Variants in PTPRN2 observed in about 807,000 individuals in gnomAD.
PTPRN2 encodes protein tyrosine phosphatase receptor type N2.
Under a neutral mutation model 118.8 loss-of-function variants are expected in PTPRN2, and 74 were observed. The observed-to-expected ratio is 0.62, with a 90% confidence interval of 0.52 to 0.76. PTPRN2 has a LOEUF of 0.76. Among genes scored for constraint, PTPRN2 ranks in the 30% least tolerant of loss-of-function variants. The probability of loss-of-function intolerance (pLI) is 0.00; values close to 1 mark genes in which losing one functional copy is unlikely to be tolerated. For synonymous variants in PTPRN2, 641 were observed against 608.0 expected (o/e 1.05, Z -0.80); for missense variants, 1,481 against 1,394.4 (o/e 1.06, Z -0.99).
intron 2 of PTPRN2, among the ~76,000 whole-genome samples, chr7:158,403,705 C>T (rs1249639415): frequency 1.3e-5 from 2 of 152,300 alleles, no homozygotes; most frequent in East Asian, 3.9e-4. Flanking sequence ...GAGGATCGCA[C>T]ACCAAGACCC....
chr7:158,212,860 G>C (rs1585865909), intron 3 of PTPRN2, among the ~76,000 whole-genome samples: 2 of 152,168 alleles, frequency 1.3e-5, no homozygotes, highest in East Asian at 3.8e-4. Context: ...TTAATGTACT[G>C]TATCCGGGAG....
In PTPRN2 at chr7:157,953,631, G is replaced by A. The variant is rs1474450347; in HGVS notation, c.1724-54894C>T. Among the ~76,000 whole-genome samples, 1 of 152,054 alleles carries A rather than the reference G, an allele frequency of 6.6e-6. No individual in the cohort carries two copies. Among genetic ancestry groups the A allele is most frequent in the Non-Finnish European group, 1.5e-5 (1 of 68,006 alleles). The stretch of plus-strand genomic sequence containing the variant: ...ACACTGCCCTGCTTGGACACTCTCT[G>A]GACAGGAGACACCTCACCCCTCACA... On this transcript the variant is annotated intron_variant, in intron 11 of 22. Transcript: ENST00000389418. The surrounding 1 kb of genome is among the most constrained non-coding windows in gnomAD (Gnocchi z 4.6).
chr7:158,420,311 C>T (rs1463321962), intron 2 of PTPRN2, among the ~76,000 whole-genome samples: 2 of 152,184 alleles, frequency 1.3e-5, no homozygotes, highest in Non-Finnish European at 2.9e-5. Context: ...GGCACAGCTT[C>T]AGCCCTCTGA....
intron 2 of PTPRN2, among the ~76,000 whole-genome samples, chr7:158,340,638 C>G: frequency 9.4e-6 from 1 of 106,424 alleles, no homozygotes; most frequent in South Asian, 3.5e-4. Flanking sequence ...ACACTCTAGC[C>G]ATAAGAGCTG....
Position 158,212,859 on chromosome 7 carries a change from T to C in PTPRN2, c.278-7586A>G, listed in dbSNP as rs867800822. Among the ~76,000 whole-genome samples, 11 of 152,316 alleles carry C rather than the reference T, an allele frequency of 7.2e-5. No individual in the cohort carries two copies. The Middle Eastern group carries it at 0.014, about 188-fold the overall frequency. Reference sequence around the variant, plus strand: ...GCAATTATCATGGGGCTTAATGTACTGTATCCGGGAGCCAATTACATTATA... The same window carrying C: ...GCAATTATCATGGGGCTTAATGTACCGTATCCGGGAGCCAATTACATTATA... On this transcript the variant is annotated intron_variant, in intron 3 of 22. Coordinates refer to ENST00000389418, the MANE Select transcript of PTPRN2 (RefSeq NM_002847.5).
intron 2 of PTPRN2, among the ~76,000 whole-genome samples, chr7:158,338,015 T>C (rs1359523762): frequency 5.9e-5 from 2 of 33,910 alleles, no homozygotes; most frequent in Admixed American, 3.9e-4. Context: ...TGGTGACACC[T>C]GCAGACGTCA....
Position 158,273,567 on chromosome 7 carries a change from GGC to G in PTPRN2, c.277+43250_277+43251del, listed in dbSNP as rs1159196859. 1.9e-3 allele frequency among the ~76,000 whole-genome samples: 197 copies of G among 101,440 alleles called. 49 individuals carry two copies. The highest frequency in any genetic ancestry group is 5.1e-3 in the Middle Eastern group (1 of 196). 66.5% of individuals were successfully genotyped at this position (101,440 alleles called of 152,430 possible). A position where few individuals can be genotyped will look rare whatever the true frequency, so the allele number is the denominator to read the frequency against. On this transcript the variant is annotated intron_variant, in intron 3 of 22. Transcript: ENST00000389418. ...AGCCGCAGACACAGGGGGAGCCGCAGGCACAGGGGGAGCCGCAGACAGACATG... is the reference window on the plus strand; with the variant it reads ...AGCCGCAGACACAGGGGGAGCCGCAGACAGGGGGAGCCGCAGACAGACATG...
Position 157,615,910 on chromosome 7 carries a change from G to C in PTPRN2, c.2344+5452C>G, listed in dbSNP as rs1434600557. The C allele has an allele frequency of 3.2e-6, 1 of 315,052 alleles. No individual in the cohort carries two copies. Among genetic ancestry groups the C allele is most frequent in the Non-Finnish European group, 6.2e-6 (1 of 160,578 alleles). 19.5% of individuals were successfully genotyped at this position (315,052 alleles called of 1,614,324 possible). On this transcript the variant is annotated intron_variant, in intron 15 of 22. Transcript: ENST00000389418. The surrounding 1 kb of genome is among the most constrained non-coding windows in gnomAD (Gnocchi z 4.3). ...AGTGGGTTCGGCCTCAGAATCAGCC[G>C]GCGCTGAGATGTGCACCTGGCAGGA... is the stretch of plus-strand genomic sequence containing the variant.
At chr7:157,675,731 G>A (rs1321399294) in intron 13 of PTPRN2, among the ~76,000 whole-genome samples, 4 of 152,038 alleles carry the variant, frequency 2.6e-5, no homozygotes, top group Admixed American at 1.3e-4. Context: ...AGTCACCCTC[G>A]GGCAGCGCTT....
chr7:158,048,266 C>CT (rs1809027709), intron 11 of PTPRN2, among the ~76,000 whole-genome samples: 1 of 152,262 alleles, frequency 6.6e-6, no homozygotes, highest in South Asian at 2.1e-4. Context: ...ATCAGAAACT[C>CT]TCCTTATCTT....
At chr7:157,704,011 G>A (rs1244255658) in intron 12 of PTPRN2, among the ~76,000 whole-genome samples, 1 of 152,116 alleles carries the variant, frequency 6.6e-6, no homozygotes, top group Non-Finnish European at 1.5e-5. Context: ...CTGCAGCTCC[G>A]GGTGCCATCC....
At chr7:158,212,879 A>T (rs1827705188) in intron 3 of PTPRN2, among the ~76,000 whole-genome samples, 1 of 152,212 alleles carries the variant, frequency 6.6e-6, no homozygotes. Context: ...AGCCAATTAC[A>T]TTATATTTAT....
intron 2 of PTPRN2, among the ~76,000 whole-genome samples, chr7:158,329,425 G>T (rs905238356): frequency 6.6e-6 from 1 of 152,202 alleles, no homozygotes; most frequent in Non-Finnish European, 1.5e-5. Context: ...AACCAGCCCC[G>T]GGTGCTGCTG....
At chr7:158,029,164 G>T (rs368563000) in intron 11 of PTPRN2, 5 of 131,204 alleles carry the variant, frequency 3.8e-5, no homozygotes, top group Middle Eastern at 3.6e-3. Flanking sequence ...CCACTCGCCG[G>T]GGGCACGGGG....
chr7:158,431,165 T>C (rs903065337), intron 2 of PTPRN2, among the ~76,000 whole-genome samples: 1 of 152,238 alleles, frequency 6.6e-6, no homozygotes, highest in African/African-American at 2.4e-5. Context: ...CCAGCCAGCG[T>C]GAGCCCCAGG....
chr7:158,477,363 A>AAC (rs1820349012), intron 2 of PTPRN2, among the ~76,000 whole-genome samples: 1 of 152,250 alleles, frequency 6.6e-6, no homozygotes, highest in South Asian at 2.1e-4. Context: ...GGCACACAGC[A>AAC]AACAGGAAAT....
chr7:158,332,586 C>G (rs1586312657), intron 2 of PTPRN2, among the ~76,000 whole-genome samples: 1 of 151,872 alleles, frequency 6.6e-6, no homozygotes, highest in Admixed American at 6.5e-5. Flanking sequence ...CACTCACACC[C>G]ACACTCTCAC....
intron 12 of PTPRN2, among the ~76,000 whole-genome samples, chr7:157,818,528 G>T (rs1352812841): frequency 2.7e-5 from 4 of 146,336 alleles, no homozygotes; most frequent in Non-Finnish European, 5.9e-5. Context: ...GAGAGGGCGT[G>T]GCCTGAGCCA....
chr7:158,428,339 C>G (rs111709645), intron 2 of PTPRN2, among the ~76,000 whole-genome samples: 11 of 152,242 alleles, frequency 7.2e-5, no homozygotes, highest in East Asian at 1.9e-4. Flanking sequence ...GCTCAGAAGA[C>G]GAGGGCGGCA....
Sources: allele counts gnomAD v4.1 joint callset (sites outside exome capture counted in the v4.1 genomes callset), GRCh38; gene constraint gnomAD v4.1.1; non-coding constraint Gnocchi (gnomAD v3.1); transcripts MANE v1.5; gene names NCBI Gene and HGNC (gene_info 2026-07-23, HGNC 2026-07-21).